Variants in RBM47 observed in about 807,000 individuals in gnomAD.
The protein encoded by RBM47 is RNA binding motif protein 47, also known as RNA-binding protein 47.
RBM47 carries 21 observed loss-of-function variants against 47.1 expected under a neutral mutation model. The observed-to-expected ratio is 0.45, with a 90% CI of 0.32 to 0.64. The LOEUF is 0.64. Among genes scored for constraint, RBM47 ranks in the 30% least tolerant of loss-of-function variants. The pLI, the probability that RBM47 is intolerant of heterozygous loss-of-function variation, is 0.05. For missense variants in RBM47, 708 were observed against 870.9 expected (o/e 0.81, Z 2.35); for synonymous variants, 375 against 361.7 (o/e 1.04, Z -0.42).
At chr4:40,448,121 G>A (rs569969525) in intron 3 of RBM47, among the ~76,000 whole-genome samples, 6 of 152,282 alleles carry the variant, frequency 3.9e-5, no homozygotes, top group African/African-American at 9.6e-5. Flanking sequence ...GCTTGAACCC[G>A]GGAGGCAGAG....
chr4:40,601,317 C>A (rs1735266084), intron 1 of RBM47, among the ~76,000 whole-genome samples: 1 of 152,136 alleles, frequency 6.6e-6, no homozygotes, highest in African/African-American at 2.4e-5. Flanking sequence ...AAGGGAAGTT[C>A]TTGGTGCACA....
At chr4:40,451,499 C>T (rs189923483) in intron 3 of RBM47, among the ~76,000 whole-genome samples, 29 of 152,310 alleles carry the variant, frequency 1.9e-4, no homozygotes, top group South Asian at 1.7e-3. Flanking sequence ...CACATGAGAA[C>T]TGCTGACAAT....
chr4:40,528,003 C>A (rs1726916809), intron 2 of RBM47, among the ~76,000 whole-genome samples: 1 of 152,122 alleles, frequency 6.6e-6, no homozygotes, highest in Non-Finnish European at 1.5e-5. Flanking sequence ...GGTGCACTGC[C>A]CATTAAGTAC....
intron 2 of RBM47, among the ~76,000 whole-genome samples, chr4:40,511,306 G>C (rs1301028109): frequency 6.6e-6 from 1 of 152,178 alleles, no homozygotes; most frequent in South Asian, 2.1e-4. Context: ...GTTGTGAAAT[G>C]CCTTTTCATT....
At chr4:40,431,474 C>A (rs943151833) in intron 6 of RBM47, among the ~76,000 whole-genome samples, 4 of 152,094 alleles carry the variant, frequency 2.6e-5, no homozygotes, top group Admixed American at 6.5e-5. Flanking sequence ...CTGGCTGACA[C>A]GGTGAAACCC....
At chr4:40,541,199 G>A (rs901689984) in intron 2 of RBM47, among the ~76,000 whole-genome samples, 2 of 150,642 alleles carry the variant, frequency 1.3e-5, no homozygotes, top group Admixed American at 6.6e-5. Context: ...CCAGGAGTTC[G>A]AGGCTGCAGT....
At chr4:40,565,374 G>A (rs1158296095) in intron 1 of RBM47, among the ~76,000 whole-genome samples, 1 of 152,136 alleles carries the variant, frequency 6.6e-6, no homozygotes, top group Non-Finnish European at 1.5e-5. Flanking sequence ...CCTCTGCTGG[G>A]CTGGATATTA....
chr4:40,575,696 T>C (rs1577993205), intron 1 of RBM47, among the ~76,000 whole-genome samples: 1 of 152,184 alleles, frequency 6.6e-6, no homozygotes, highest in East Asian at 1.9e-4. Context: ...TGTGTCTGAG[T>C]GACCAACCCA....
chr4:40,484,899 T>C lies in RBM47; in HGVS notation c.-154-18200A>G, dbSNP rs56720128. Among the ~76,000 whole-genome samples, 360 of 152,354 alleles carry C rather than the reference T, an allele frequency of 2.4e-3. 3 individuals carry two copies. Among genetic ancestry groups the C allele is most frequent in the African/African-American group, 8.4e-3 (348 of 41,586 alleles). The stretch of plus-strand genomic sequence containing the variant: ...GTGTATTTGTCATTTGGGATCAAAT[T>C]TGATTCCTGTTTCATCACAACATTG... On this transcript the variant is annotated intron_variant, in intron 2 of 6. Transcript: ENST00000295971.
Position 40,437,922 on chromosome 4 carries a change from G to A in RBM47, c.972C>T (p.Tyr324=), listed in dbSNP as rs1299732992. 6.2e-7 allele frequency: 1 copy of A among 1,613,846 alleles called. No individual in the cohort carries two copies. Among genetic ancestry groups the A allele is most frequent in the Admixed American group, 1.7e-5 (1 of 60,018 alleles). ...CCCTGGCTGCCTTCTGGTAGCGCGA[G>A]TACTGCTCCTTGTCCACGGGCTTGG... ...TLAKPVDKEQ[Y]SRYQKAARGG... The change falls in exon 4 of 7, where the codon TAC becomes TAT. Residue 324 remains tyrosine (Y), a synonymous_variant. Transcript: ENST00000295971.
At position 40,466,776 on chromosome 4, in the gene RBM47, G is replaced by GA. The variant is rs935347118; in HGVS notation, c.-154-78_-154-77insT. The GA allele has an allele frequency of 5.3e-5, 6 of 112,912 alleles. 1 individual carries two copies. The highest frequency in any genetic ancestry group is 1.6e-4 in the African/African-American group (5 of 30,894). 7.0% of individuals were successfully genotyped at this position (112,912 alleles called of 1,614,324 possible). A position where few individuals can be genotyped will look rare whatever the true frequency, so the allele number is the denominator to read the frequency against. On this transcript the variant is annotated intron_variant, in intron 2 of 6. Coordinates refer to ENST00000295971, the MANE Select transcript of RBM47 (RefSeq NM_001098634.2). Reference sequence around the variant, plus strand: ...TTCATATGTGCATTAGAAATTGGGGGGGGGGGGGCAGATCCTCTTGCGTAG... The same window carrying GA: ...TTCATATGTGCATTAGAAATTGGGGGAGGGGGGGGCAGATCCTCTTGCGTAG...
At chr4:40,430,215 AACAAAC>A (rs1332997926) in intron 6 of RBM47, among the ~76,000 whole-genome samples, 1 of 142,442 alleles carries the variant, frequency 7.0e-6, no homozygotes, top group African/African-American at 2.7e-5. Context: ...CAAACAAACA[AACAAAC>A]AAACAAACAA....
chr4:40,609,703 T>C (rs1233936297), intron 1 of RBM47, among the ~76,000 whole-genome samples: 1 of 152,172 alleles, frequency 6.6e-6, no homozygotes, highest in Non-Finnish European at 1.5e-5. Context: ...TGCCATCTGG[T>C]TTCTTCCCGC....
At chr4:40,489,019 G>C (rs1486986418) in intron 2 of RBM47, among the ~76,000 whole-genome samples, 1 of 152,168 alleles carries the variant, frequency 6.6e-6, no homozygotes, top group African/African-American at 2.4e-5. Flanking sequence ...CAGAGCCCAA[G>C]TTTTTGCCCC....
intron 2 of RBM47, among the ~76,000 whole-genome samples, chr4:40,468,470 G>A (rs1718382185): frequency 1.3e-5 from 2 of 152,304 alleles, no homozygotes; most frequent in South Asian, 2.1e-4. Context: ...ATAGGTAGGG[G>A]ATGTTGTCGG....
At chr4:40,492,965 T>C (rs750099401) in intron 2 of RBM47, among the ~76,000 whole-genome samples, 4 of 152,138 alleles carry the variant, frequency 2.6e-5, no homozygotes, top group Admixed American at 6.5e-5. Flanking sequence ...TATCTCAATG[T>C]TGCTTTCCAA....
At chr4:40,584,147 A>G (rs76710396) in intron 1 of RBM47, among the ~76,000 whole-genome samples, 2 of 152,118 alleles carry the variant, frequency 1.3e-5, no homozygotes, top group South Asian at 4.1e-4. Context: ...TGTTTTTTAT[A>G]GAGATGGAGT....
intron 1 of RBM47, among the ~76,000 whole-genome samples, chr4:40,589,256 C>T (rs1277392826): frequency 6.6e-6 from 1 of 151,900 alleles, no homozygotes; most frequent in Non-Finnish European, 1.5e-5. Context: ...GCGTGAGCCA[C>T]AGCACCCGGC....
chr4:40,476,744 T>C (rs1404266784), intron 2 of RBM47, among the ~76,000 whole-genome samples: 1 of 152,090 alleles, frequency 6.6e-6, no homozygotes, highest in African/African-American at 2.4e-5. Context: ...CTGAAAGCAA[T>C]GTGACTTCTG....
Sources: allele counts gnomAD v4.1 joint callset (sites outside exome capture counted in the v4.1 genomes callset), GRCh38; gene constraint gnomAD v4.1.1; transcripts MANE v1.5; gene names NCBI Gene and HGNC (gene_info 2026-07-23, HGNC 2026-07-21).